CDH12: variants seen among roughly 807,000 people sequenced by gnomAD.
The protein encoded by CDH12 is cadherin-12.
A neutral mutation model predicts 74.1 loss-of-function variants in CDH12; 41 were observed. That is an observed-to-expected ratio of 0.55 (90% CI 0.43 to 0.72). The LOEUF (loss-of-function observed/expected upper bound fraction) is 0.72, where lower values mean the gene tolerates loss of function less well. Among genes scored for constraint, CDH12 ranks in the 30% least tolerant of loss-of-function variants. The pLI, the probability that CDH12 is intolerant of heterozygous loss-of-function variation, is 0.00. For synonymous variants in CDH12, 399 were observed against 355.0 expected (o/e 1.12, Z -1.39); for missense variants, 945 against 977.2 (o/e 0.97, Z 0.44).
chr5:22,240,046 C>G (rs1399394229), intron 3 of CDH12, among the ~76,000 whole-genome samples: 1 of 152,070 alleles, frequency 6.6e-6, no homozygotes, highest in Non-Finnish European at 1.5e-5. Context: ...CAAATTACTT[C>G]CCCTCATTTT....
intron 1 of CDH12, among the ~76,000 whole-genome samples, chr5:22,653,930 T>G (rs1477979250): frequency 6.6e-6 from 1 of 152,178 alleles, no homozygotes; most frequent in Non-Finnish European, 1.5e-5. Flanking sequence ...CATACATACA[T>G]AAAATCTCTC....
chr5:22,742,855 C>G (rs905455412), intron 1 of CDH12, among the ~76,000 whole-genome samples: 1 of 151,882 alleles, frequency 6.6e-6, no homozygotes, highest in Non-Finnish European at 1.5e-5. Context: ...GACTGGGCCA[C>G]AGGGTGCCTA....
chr5:22,788,561 G>A (rs1339271714), intron 1 of CDH12, among the ~76,000 whole-genome samples: 2 of 147,398 alleles, frequency 1.4e-5, no homozygotes, highest in Non-Finnish European at 3.0e-5. Context: ...GGCATTTCAA[G>A]TACTCTTGAT....
chr5:22,050,322 C>T (rs1740271724), intron 5 of CDH12, among the ~76,000 whole-genome samples: 1 of 152,116 alleles, frequency 6.6e-6, no homozygotes, highest in Admixed American at 6.6e-5. Flanking sequence ...TTCTATAGCA[C>T]ATCTGCAATC....
intron 5 of CDH12, among the ~76,000 whole-genome samples, chr5:21,994,556 A>C (rs963181939): frequency 6.6e-6 from 1 of 152,156 alleles, no homozygotes; most frequent in African/African-American, 2.4e-5. Flanking sequence ...ATTTGGAACA[A>C]GTTCATCATT....
At chr5:22,684,059 C>T (rs1741635152) in intron 1 of CDH12, among the ~76,000 whole-genome samples, 1 of 152,192 alleles carries the variant, frequency 6.6e-6, no homozygotes, top group Non-Finnish European at 1.5e-5. Context: ...TTGTATTTCA[C>T]AAGGGAGTCC....
chr5:22,813,591 G>C (rs925055020), intron 1 of CDH12, among the ~76,000 whole-genome samples: 4 of 151,966 alleles, frequency 2.6e-5, no homozygotes, highest in Admixed American at 6.6e-5. Flanking sequence ...TGTCATTTCT[G>C]TGATAATGTT....
intron 6 of CDH12, among the ~76,000 whole-genome samples, chr5:21,864,833 G>A (rs564961823): frequency 6.6e-6 from 1 of 152,268 alleles, no homozygotes; most frequent in East Asian, 1.9e-4. Context: ...AGTTCTTAGA[G>A]AGTTTTTAAG....
intron 4 of CDH12, among the ~76,000 whole-genome samples, chr5:22,085,856 C>A (rs1743028192): frequency 6.6e-6 from 1 of 152,208 alleles, no homozygotes; most frequent in Non-Finnish European, 1.5e-5. Flanking sequence ...GTATGAAATG[C>A]ATTATAATCA....
At chr5:21,814,552 A>G (rs915301000) in intron 9 of CDH12, among the ~76,000 whole-genome samples, 1 of 151,538 alleles carries the variant, frequency 6.6e-6, no homozygotes, top group Non-Finnish European at 1.5e-5. Flanking sequence ...CTAGACATTG[A>G]TTACTTATTG....
chr5:22,527,084 G>C (rs1449280964), intron 1 of CDH12, among the ~76,000 whole-genome samples: 1 of 152,110 alleles, frequency 6.6e-6, no homozygotes, highest in Non-Finnish European at 1.5e-5. Flanking sequence ...TGTCAGTTCA[G>C]AACCAGTGTC....
intron 4 of CDH12, among the ~76,000 whole-genome samples, chr5:22,082,387 A>T (rs1304616239): frequency 6.6e-6 from 1 of 152,050 alleles, no homozygotes; most frequent in Non-Finnish European, 1.5e-5. Context: ...GAACATAAGC[A>T]CTCGATACTG....
chr5:21,889,844 C>T (rs1752817252), intron 6 of CDH12: 2 of 985,324 alleles, frequency 2.0e-6, no homozygotes, highest in Non-Finnish European at 1.2e-6. Flanking sequence ...CTAAAACCCT[C>T]TTTGTGTTAG....
intron 13 of CDH12, among the ~76,000 whole-genome samples, chr5:21,759,355 A>C (rs1355789921): frequency 6.6e-6 from 1 of 151,654 alleles, no homozygotes; most frequent in Non-Finnish European, 1.5e-5. Flanking sequence ...CTTCCTCTTC[A>C]TTAGTCTTTA....
At chr5:22,213,119 TG>T (rs1751636030) in intron 3 of CDH12, among the ~76,000 whole-genome samples, 1 of 152,200 alleles carries the variant, frequency 6.6e-6, no homozygotes, top group African/African-American at 2.4e-5. Context: ...TAAAGCGATG[TG>T]ATCAAAGAGA....
intron 1 of CDH12, among the ~76,000 whole-genome samples, chr5:22,568,841 C>G (rs1214373794): frequency 6.6e-6 from 1 of 152,142 alleles, no homozygotes; most frequent in Non-Finnish European, 1.5e-5. Flanking sequence ...AAAAAATGCA[C>G]ATACCTTAAT....
In CDH12 at chr5:21,862,433, C is replaced by A. The variant is rs535134437; in HGVS notation, c.527-7643G>T. Among the ~76,000 whole-genome samples, 9 of 152,208 alleles carry A rather than the reference C, an allele frequency of 5.9e-5. No individual in the cohort carries two copies. In the South Asian group the frequency reaches 1.9e-3, roughly 32 times the overall value. On this transcript the variant is annotated intron_variant, in intron 6 of 14. Transcript: ENST00000382254. Reference sequence around the variant, plus strand: ...ATTCTTATTGGTACTTAAAGACATTCTCATCCAAAAGGTAGGAAGTTGAGA... The same window carrying A: ...ATTCTTATTGGTACTTAAAGACATTATCATCCAAAAGGTAGGAAGTTGAGA...
chr5:21,883,704 C>A, intron 6 of CDH12: 1 of 1,609,926 alleles, frequency 6.2e-7, no homozygotes, highest in South Asian at 1.1e-5. Context: ...AAAACGTATT[C>A]AAGAAATCAT....
chr5:22,162,570 A>G (rs1748421186), intron 4 of CDH12, among the ~76,000 whole-genome samples: 2 of 152,218 alleles, frequency 1.3e-5, no homozygotes, highest in South Asian at 4.1e-4. Context: ...GACACAGGTC[A>G]GACAAGAATC....
Sources: gnomAD v4.1 joint callset for allele counts (sites outside exome capture counted in the v4.1 genomes callset) on GRCh38, gnomAD v4.1.1 for gene constraint, MANE v1.5 for transcripts, NCBI Gene and HGNC (gene_info 2026-07-23, HGNC 2026-07-21) for gene names.